GRHL2: variants seen among roughly 807,000 people sequenced by gnomAD.
The protein encoded by GRHL2 is grainyhead-like protein 2 homolog.
Under a neutral mutation model 83.8 loss-of-function variants are expected in GRHL2, and 21 were observed. That is an observed-to-expected ratio of 0.25 (90% CI 0.18 to 0.36). The LOEUF is 0.36. GRHL2 is among the 10% of genes least tolerant of loss of function. The pLI, the probability that GRHL2 is intolerant of heterozygous loss-of-function variation, is 1.00. For synonymous variants in GRHL2, 280 were observed against 278.9 expected, an observed-to-expected ratio of 1.00 and a Z score of -0.04; for missense variants, 623 against 781.8, an observed-to-expected ratio of 0.80 and a Z score of 2.42.
chr8:101,654,281 A>T (rs12679729), intron 14 of GRHL2, among the ~76,000 whole-genome samples: 60,262 of 152,130 alleles, frequency 0.4, 14,416 homozygotes, highest in African/African-American at 0.67. Flanking sequence ...TTTTGCTCTC[A>T]TCCTGGACTA....
chr8:101,672,770 A>G (rs1274474955), downstream of GRHL2, among the ~76,000 whole-genome samples: 5 of 151,580 alleles, frequency 3.3e-5, no homozygotes, highest in Admixed American at 3.3e-4. Flanking sequence ...CCAAAGTTGA[A>G]ATGAAGGAAA....
chr8:101,652,551 T>TGTGTCTG (rs1563627541), intron 14 of GRHL2, among the ~76,000 whole-genome samples: 1 of 97,614 alleles, frequency 1.0e-5, no homozygotes, highest in African/African-American at 4.5e-5. Flanking sequence ...GTGTGTGGTG[T>TGTGTCTG]GTATGTGTGG....
In GRHL2 at chr8:101,666,867, G is replaced by A. The variant is rs760925270; in HGVS notation, c.*164G>A. 4 of 676,452 alleles carry A rather than the reference G, an allele frequency of 5.9e-6. No homozygotes were observed. Among genetic ancestry groups the A allele is most frequent in the South Asian group, 1.6e-5 (1 of 62,092 alleles). The allele number at this position is 676,452 out of a possible 1,614,324, so 41.9% of individuals were successfully genotyped here. Reference sequence around the variant, plus strand: ...GCAAGGGACAGGCCCCACTGTCGGTGTGCTTGGCCCATCCACTGGCACCTA... The same window carrying A: ...GCAAGGGACAGGCCCCACTGTCGGTATGCTTGGCCCATCCACTGGCACCTA... On this transcript the variant is annotated 3_prime_UTR_variant, in exon 16 of 16. Coordinates refer to ENST00000646743, the MANE Select transcript of GRHL2 (RefSeq NM_024915.4).
chr8:101,632,220 A>C lies in GRHL2; in HGVS notation c.1346-6A>C, dbSNP rs749019394. ...CTCATTTATGAGTTTGTGTGATCCCATCCAGCCTCTGATGGGAAGTTGGCT... is the reference window on the plus strand; with the variant it reads ...CTCATTTATGAGTTTGTGTGATCCCCTCCAGCCTCTGATGGGAAGTTGGCT... On this transcript the variant is annotated splice_polypyrimidine_tract_variant and splice_region_variant and intron_variant, in intron 10 of 15. Transcript: ENST00000646743. 3.1e-6 allele frequency: 5 copies of C among 1,613,876 alleles called. No individual in the cohort carries two copies. In the East Asian group the frequency reaches 1.1e-4, roughly 36 times the overall value.
intron 1 of GRHL2, among the ~76,000 whole-genome samples, chr8:101,524,023 G>A (rs937822685): frequency 6.6e-6 from 1 of 152,136 alleles, no homozygotes; most frequent in South Asian, 2.1e-4. Context: ...TTCAAGATGT[G>A]CCTCTCTCAG....
intron 7 of GRHL2, among the ~76,000 whole-genome samples, chr8:101,594,951 G>A (rs1339444683): frequency 6.6e-6 from 1 of 152,170 alleles, no homozygotes; most frequent in Non-Finnish European, 1.5e-5. Context: ...CATATACAAG[G>A]TAATGGAACC....
intron 1 of GRHL2, among the ~76,000 whole-genome samples, chr8:101,493,230 G>A (rs1011440970): frequency 3.9e-5 from 6 of 152,230 alleles, no homozygotes; most frequent in African/African-American, 1.4e-4. Context: ...CTGGAAAAGT[G>A]GGGCTTGGCC....
chr8:101,641,178 A>G (rs1173037858), intron 12 of GRHL2, among the ~76,000 whole-genome samples: 1 of 152,198 alleles, frequency 6.6e-6, no homozygotes, highest in African/African-American at 2.4e-5. Flanking sequence ...ATCTTAAACT[A>G]GCATTGATTA....
At chr8:101,652,382 G>GTGTC (rs1813657420) in intron 14 of GRHL2, among the ~76,000 whole-genome samples, 1 of 86,386 alleles carries the variant, frequency 1.2e-5, no homozygotes, top group East Asian at 3.2e-4. Context: ...TGATGTGTGT[G>GTGTC]TGGTGTGTGT....
rs890163302 is a variant in GRHL2, at chr8:101,573,650, G to C, written c.735-18G>C. ...GTCCAAGTGAGTGGATCTGACCGCTGTTTGTTTTCTTTCACAGTGGCACAT... is the reference window on the plus strand; with the variant it reads ...GTCCAAGTGAGTGGATCTGACCGCTCTTTGTTTTCTTTCACAGTGGCACAT... On this transcript the variant is annotated intron_variant, in intron 5 of 15. Transcript: ENST00000646743. 1.9e-6 allele frequency: 3 copies of C among 1,614,006 alleles called. No individual in the cohort carries two copies. The African/African-American group carries it at 4.0e-5, about 22-fold the overall frequency.
chr8:101,498,709 T>C lies in GRHL2; in HGVS notation c.20+5920T>C, dbSNP rs944148087. 2.5e-4 allele frequency among the ~76,000 whole-genome samples: 38 copies of C among 152,162 alleles called. 1 individual carries two copies. Among genetic ancestry groups the C allele is most frequent in the Admixed American group, 2.3e-3 (35 of 15,280 alleles). On this transcript the variant is annotated intron_variant, in intron 1 of 15. Coordinates refer to ENST00000646743, the MANE Select transcript of GRHL2 (RefSeq NM_024915.4). ...CTTAAGGGAGATTAGGAGTAAGTAT[T>C]AGAGCAATCAATGAAAAGCTATGTC... is the stretch of plus-strand genomic sequence containing the variant.
intron 2 of GRHL2, among the ~76,000 whole-genome samples, chr8:101,552,339 C>G (rs1444849813): frequency 6.6e-6 from 1 of 152,120 alleles, no homozygotes; most frequent in Non-Finnish European, 1.5e-5. Context: ...TGTTGTAACT[C>G]TATTATGTTT....
chr8:101,493,044 CT>C lies in GRHL2; in HGVS notation c.20+257del, dbSNP rs1554579832. Among the ~76,000 whole-genome samples the C allele has an allele frequency of 6.6e-6, 1 of 152,050 alleles. No individual in the cohort carries two copies. The highest frequency in any genetic ancestry group is 1.5e-5 in the Non-Finnish European group (1 of 68,018). On this transcript the variant is annotated intron_variant, in intron 1 of 15. Transcript: ENST00000646743. ...AGTGGGTTTTCCTTTTCCTTCTTCC[CT>C]TAGGAATGGTCTCAGCTCCCGCTCC...
At chr8:101,595,530 A>G (rs1376507965) in intron 7 of GRHL2, among the ~76,000 whole-genome samples, 6 of 152,250 alleles carry the variant, frequency 3.9e-5, no homozygotes, top group African/African-American at 1.4e-4. Flanking sequence ...ATAATTAGCT[A>G]TAAAGAATCA....
intron 1 of GRHL2, among the ~76,000 whole-genome samples, chr8:101,513,643 C>A (rs949834772): frequency 6.6e-6 from 1 of 151,480 alleles, no homozygotes; most frequent in Non-Finnish European, 1.5e-5. Flanking sequence ...TACAGGTGCC[C>A]GCCAACACAC....
chr8:101,647,376 A>G (rs1813532823), intron 13 of GRHL2, among the ~76,000 whole-genome samples: 1 of 150,794 alleles, frequency 6.6e-6, no homozygotes, highest in Non-Finnish European at 1.5e-5. Context: ...GAAAAAGAAT[A>G]TAGTTTGGGG....
At chr8:101,518,582 T>C (rs913493784) in intron 1 of GRHL2, among the ~76,000 whole-genome samples, 1 of 152,184 alleles carries the variant, frequency 6.6e-6, no homozygotes, top group Non-Finnish European at 1.5e-5. Context: ...TGCCTGGTCT[T>C]CAGCTATTTT....
chr8:101,591,292 A>G (rs1411589322), intron 7 of GRHL2, among the ~76,000 whole-genome samples: 2 of 152,182 alleles, frequency 1.3e-5, no homozygotes, highest in Non-Finnish European at 2.9e-5. Context: ...TGCAACGTTT[A>G]TCATCATTTC....
intron 8 of GRHL2, among the ~76,000 whole-genome samples, chr8:101,601,190 C>A (rs200432210): frequency 7.9e-4 from 118 of 148,608 alleles, no homozygotes; most frequent in African/African-American, 2.3e-3. Context: ...ACACACACAC[C>A]CCACCACCAC....
Sources: allele counts gnomAD v4.1 joint callset (sites outside exome capture counted in the v4.1 genomes callset), GRCh38; gene constraint gnomAD v4.1.1; transcripts MANE v1.5; gene names NCBI Gene and HGNC (gene_info 2026-07-23, HGNC 2026-07-21).